Variants in CCDC6 observed in about 807,000 individuals in gnomAD.
The protein encoded by CCDC6 is coiled-coil domain containing 6, also known as coiled-coil domain-containing protein 6.
In CCDC6, 20 loss-of-function variants were observed where a neutral mutation model predicts 56.6. That is an observed-to-expected ratio of 0.35 (90% CI 0.25 to 0.51). The LOEUF is 0.51. Ranked by LOEUF, CCDC6 falls within the 20% of genes least tolerant of loss-of-function variation. CCDC6 has a pLI of 0.95. For missense variants in CCDC6, 367 were observed against 601.1 expected (o/e 0.61, Z 4.07); for synonymous variants, 241 against 234.4 (o/e 1.03, Z -0.26).
In CCDC6 at chr10:59,862,562, T is replaced by TACACACACACAC. The variant is rs1360725553; in HGVS notation, c.304-9861_304-9860insGTGTGTGTGTGT. Among the ~76,000 whole-genome samples the TACACACACACAC allele has an allele frequency of 6.9e-5, 7 of 101,940 alleles. 1 individual carries two copies. Among genetic ancestry groups the TACACACACACAC allele is most frequent in the Admixed American group, 9.8e-5 (1 of 10,198 alleles). 66.9% of individuals were successfully genotyped at this position (101,940 alleles called of 152,430 possible). On this transcript the variant is annotated intron_variant, in intron 1 of 8. Transcript: ENST00000263102. ...ACACACACACACACACACACATATA[T>TACACACACACAC]ATACACATACACACACACACACATA...
intron 1 of CCDC6, among the ~76,000 whole-genome samples, chr10:59,880,307 T>C (rs1353069915): frequency 6.6e-6 from 1 of 152,018 alleles, no homozygotes; most frequent in African/African-American, 2.4e-5. Flanking sequence ...TAGTAACAAA[T>C]GGTTTTGCCC....
intron 1 of CCDC6, among the ~76,000 whole-genome samples, chr10:59,905,045 T>C (rs898993621): frequency 1.5e-4 from 23 of 152,224 alleles, no homozygotes; most frequent in African/African-American, 5.3e-4. Context: ...TTTATCCCCC[T>C]TGATTTCTTG....
At chr10:59,833,071 G>A (rs1483969879) in intron 2 of CCDC6, among the ~76,000 whole-genome samples, 1 of 152,202 alleles carries the variant, frequency 6.6e-6, no homozygotes, top group Non-Finnish European at 1.5e-5. Flanking sequence ...GTACAAGTAA[G>A]CATGCCTTCA....
In CCDC6 at chr10:59,832,514, C is replaced by CA. The variant is rs1256395201; in HGVS notation, c.582+10dup. On this transcript the variant is annotated intron_variant, in intron 3 of 8. Coordinates refer to ENST00000263102, the MANE Select transcript of CCDC6 (RefSeq NM_005436.5). ...AAAATACAATGTAAAGGAAGAGCTA[C>CA]AGGTGCTTACCTGTTCTAATGTAAG... is the stretch of plus-strand genomic sequence containing the variant. 1 of 1,607,228 alleles carries CA rather than the reference C, an allele frequency of 6.2e-7. No individual in the cohort carries two copies. Among genetic ancestry groups the CA allele is most frequent in the African/African-American group, 1.3e-5 (1 of 74,496 alleles).
Position 59,791,718 on chromosome 10 carries a change from G to C in CCDC6, c.*1199C>G, listed in dbSNP as rs982225049. ...ACTGCTGAAAAACAAAAATTAAGAT[G>C]TTGCACGTGTTAAGAAAAGAGTGAC... On this transcript the variant is annotated 3_prime_UTR_variant, in exon 9 of 9. Coordinates refer to ENST00000263102, the MANE Select transcript of CCDC6 (RefSeq NM_005436.5). The C allele has an allele frequency of 4.7e-6, 1 of 211,752 alleles. No individual in the cohort carries two copies. Among genetic ancestry groups the C allele is most frequent in the Admixed American group, 5.9e-5 (1 of 16,978 alleles). The allele number at this position is 211,752 out of a possible 1,614,324, so 13.1% of individuals were successfully genotyped here.
chr10:59,904,675 A>T (rs546115521), intron 1 of CCDC6, among the ~76,000 whole-genome samples: 16 of 152,350 alleles, frequency 1.1e-4, no homozygotes, highest in Non-Finnish European at 2.4e-4. Context: ...AGGGCACTTC[A>T]AGAACTTTAC....
At chr10:59,902,963 A>C (rs1325886838) in intron 1 of CCDC6, among the ~76,000 whole-genome samples, 1 of 152,220 alleles carries the variant, frequency 6.6e-6, no homozygotes, top group Non-Finnish European at 1.5e-5. Flanking sequence ...AAATTATGAT[A>C]CATCCAAACA....
chr10:59,869,078 C>T (rs2071202756), intron 1 of CCDC6, among the ~76,000 whole-genome samples: 1 of 151,948 alleles, frequency 6.6e-6, no homozygotes, highest in Non-Finnish European at 1.5e-5. Flanking sequence ...AAAAAGAATG[C>T]CTTTAACCTG....
intron 3 of CCDC6, among the ~76,000 whole-genome samples, chr10:59,817,005 T>C (rs57643628): frequency 0.01 from 1,592 of 152,292 alleles, 43 homozygotes; most frequent in African/African-American, 0.036. Context: ...AAGTCAAATA[T>C]ATTGTGCCGC....
chr10:59,851,965 G>C (rs1308739352), intron 2 of CCDC6, among the ~76,000 whole-genome samples: 2 of 152,100 alleles, frequency 1.3e-5, no homozygotes, highest in Non-Finnish European at 2.9e-5. Context: ...CTCTGAAGTA[G>C]AGAAATCAAA....
At chr10:59,801,141 G>A (rs1322620673) in intron 7 of CCDC6, among the ~76,000 whole-genome samples, 1 of 151,840 alleles carries the variant, frequency 6.6e-6, no homozygotes, top group Non-Finnish European at 1.5e-5. Flanking sequence ...CTTTATTTCT[G>A]CTTTTTATAC....
intron 1 of CCDC6, among the ~76,000 whole-genome samples, chr10:59,877,827 G>C (rs997310295): frequency 3.9e-5 from 6 of 152,152 alleles, no homozygotes; most frequent in Non-Finnish European, 7.3e-5. Flanking sequence ...AGGGTAACCA[G>C]AGCCAAGCAA....
intron 1 of CCDC6, among the ~76,000 whole-genome samples, chr10:59,887,578 T>G (rs2071392065): frequency 6.6e-6 from 1 of 151,962 alleles, no homozygotes; most frequent in Non-Finnish European, 1.5e-5. Context: ...CCTTTTGTGT[T>G]AAAGGGAAGG....
intron 3 of CCDC6, among the ~76,000 whole-genome samples, chr10:59,827,421 G>C (rs1351883266): frequency 6.6e-6 from 1 of 152,142 alleles, no homozygotes; most frequent in Non-Finnish European, 1.5e-5. Context: ...GTCCACATTT[G>C]AATAATCCTG....
chr10:59,890,902 C>T (rs1249297887), intron 1 of CCDC6, among the ~76,000 whole-genome samples: 1 of 152,148 alleles, frequency 6.6e-6, no homozygotes, highest in South Asian at 2.1e-4. Flanking sequence ...CCACGACAGG[C>T]CCCGGTGTGT....
chr10:59,885,302 A>G (rs1564757270), intron 1 of CCDC6, among the ~76,000 whole-genome samples: 1 of 152,186 alleles, frequency 6.6e-6, no homozygotes, highest in Non-Finnish European at 1.5e-5. Flanking sequence ...AGATTTTAAA[A>G]CACCAAGGCT....
At chr10:59,818,121 T>C (rs1198655431) in intron 3 of CCDC6, among the ~76,000 whole-genome samples, 1 of 152,054 alleles carries the variant, frequency 6.6e-6, no homozygotes, top group Non-Finnish European at 1.5e-5. Flanking sequence ...AAGCTGTGGT[T>C]TGTGGGCCTA....
intron 3 of CCDC6, among the ~76,000 whole-genome samples, chr10:59,820,753 AAAAGAACGAATG>A (rs1029013226): frequency 7.4e-5 from 11 of 149,220 alleles, no homozygotes; most frequent in African/African-American, 2.7e-4. Flanking sequence ...GTCTCAAAAA[AAAAGAACGAATG>A]AATGAACGAA....
chr10:59,821,383 G>C (rs1268568069), intron 3 of CCDC6, among the ~76,000 whole-genome samples: 1 of 152,210 alleles, frequency 6.6e-6, no homozygotes, highest in Non-Finnish European at 1.5e-5. Context: ...TGTGTCAGCT[G>C]TCTGTTCAGG....
Sources: gnomAD v4.1 joint callset for allele counts (sites outside exome capture counted in the v4.1 genomes callset) on GRCh38, gnomAD v4.1.1 for gene constraint, MANE v1.5 for transcripts, NCBI Gene and HGNC (gene_info 2026-07-23, HGNC 2026-07-21) for gene names.